Variants in RALGPS1 observed in about 807,000 individuals in gnomAD.
RALGPS1 encodes the protein ras-specific guanine nucleotide-releasing factor RalGPS1.
A neutral mutation model predicts 78.8 loss-of-function variants in RALGPS1; 19 were observed. The ratio of observed to expected loss-of-function variants is 0.24; its 90% CI spans 0.17 to 0.35. RALGPS1 has a LOEUF of 0.35. RALGPS1 is among the 10% of genes least tolerant of loss of function. The pLI is 1.00. For missense variants in RALGPS1, 454 were observed against 688.3 expected, an observed-to-expected ratio of 0.66 and a Z score of 3.81; for synonymous variants, 228 against 256.3, an observed-to-expected ratio of 0.89 and a Z score of 1.06.
intron 5 of RALGPS1, 78 bp downstream of exon 5, chr9:127,034,592 A>G: frequency 1.5e-6 from 2 of 1,294,408 alleles, no homozygotes; most frequent in Non-Finnish European, 2.2e-6. Flanking sequence ...CCCCCACCCA[A>G]AGCTGTCTCC....
intron 4 of RALGPS1, among the ~76,000 whole-genome samples, chr9:127,012,833 C>T (rs1187042007): frequency 6.6e-6 from 1 of 152,168 alleles, no homozygotes; most frequent in African/African-American, 2.4e-5. Flanking sequence ...CTATCAATCA[C>T]TCAGTTGTTC....
chr9:127,194,725 T>A (rs575242243), intron 11 of RALGPS1, among the ~76,000 whole-genome samples: 8 of 152,326 alleles, frequency 5.3e-5, no homozygotes, highest in African/African-American at 1.7e-4. Flanking sequence ...GAAGACATAC[T>A]TTGAAGTCTC....
chr9:127,016,205 T>C (rs767169351), intron 4 of RALGPS1, among the ~76,000 whole-genome samples: 3 of 152,174 alleles, frequency 2.0e-5, no homozygotes, highest in Non-Finnish European at 4.4e-5. Context: ...CACCCCTTCC[T>C]GACTGTCTCT....
intron 4 of RALGPS1, among the ~76,000 whole-genome samples, chr9:126,984,096 TTCTC>T (rs2041574568): frequency 6.6e-6 from 1 of 152,170 alleles, no homozygotes; most frequent in Admixed American, 6.5e-5. Flanking sequence ...ATGGTGACTT[TTCTC>T]TCTTTCTTTT....
chr9:127,137,615 C>T (rs1330471218), intron 8 of RALGPS1, among the ~76,000 whole-genome samples: 3 of 152,258 alleles, frequency 2.0e-5, no homozygotes, highest in Admixed American at 1.3e-4. Context: ...CCTTTTGAAG[C>T]TGGTTCCAGT....
intron 8 of RALGPS1, among the ~76,000 whole-genome samples, chr9:127,101,686 T>C (rs955173934): frequency 1.1e-4 from 16 of 152,132 alleles, no homozygotes; most frequent in African/African-American, 3.4e-4. Flanking sequence ...GCCTGGACAG[T>C]TTGTAGTGGT....
intron 10 of RALGPS1, among the ~76,000 whole-genome samples, chr9:127,169,083 C>T (rs957519953): frequency 1.3e-5 from 2 of 152,184 alleles, no homozygotes; most frequent in African/African-American, 4.8e-5. Context: ...TCCCACATGG[C>T]GTGGATAATA....
Position 126,921,251 on chromosome 9 carries a change from G to C in RALGPS1, c.-66+6276G>C, listed in dbSNP as rs150046321. ...GAGAGATCAACTCTGAAGTCACCAA[G>C]CGCTCAAGGAGTCCTCAGGACCTTC... On this transcript the variant is annotated intron_variant, in intron 1 of 18. Coordinates refer to ENST00000259351, the MANE Select transcript of RALGPS1 (RefSeq NM_014636.3). Among the ~76,000 whole-genome samples the C allele has an allele frequency of 2.6e-5, 4 of 152,334 alleles. No individual in the cohort carries two copies. The East Asian group carries it at 7.7e-4, about 29-fold the overall frequency.
chr9:127,160,206 G>GT (rs1249898719), intron 8 of RALGPS1, among the ~76,000 whole-genome samples: 1 of 152,208 alleles, frequency 6.6e-6, no homozygotes, highest in East Asian at 1.9e-4. Flanking sequence ...GGGCCATCGA[G>GT]TATGGGTGTC....
At chr9:127,147,571 G>C (rs1381394150) in intron 8 of RALGPS1, among the ~76,000 whole-genome samples, 3 of 152,104 alleles carry the variant, frequency 2.0e-5, no homozygotes, top group Non-Finnish European at 4.4e-5. Flanking sequence ...GAGAGGTGGG[G>C]GTCCAGCTTT....
intron 8 of RALGPS1, among the ~76,000 whole-genome samples, chr9:127,161,216 C>T (rs1023236743): frequency 1.3e-5 from 2 of 152,366 alleles, no homozygotes; most frequent in African/African-American, 4.8e-5. Flanking sequence ...AGCATCTGGG[C>T]GCCATCCACG....
At chr9:126,987,189 TA>T (rs1564367775) in intron 4 of RALGPS1, among the ~76,000 whole-genome samples, 2 of 152,190 alleles carry the variant, frequency 1.3e-5, no homozygotes, top group East Asian at 3.9e-4. Flanking sequence ...GTGCCCTGGA[TA>T]GCTGGGAGGC....
At position 127,218,885 on chromosome 9, in the gene RALGPS1, G is replaced by C; in HGVS notation, c.*116G>C. On this transcript the variant is annotated 3_prime_UTR_variant, in exon 19 of 19. Transcript: ENST00000259351. The surrounding 1 kb of genome is among the most constrained non-coding windows in gnomAD (Gnocchi z 4.4). ...CCAGGGTGCTGGGAAACTCACAGCTGGACTCAGGGGACACGGCCTGTGGCC... is the reference window on the plus strand; with the variant it reads ...CCAGGGTGCTGGGAAACTCACAGCTCGACTCAGGGGACACGGCCTGTGGCC... 2 of 1,177,386 alleles carry C rather than the reference G, an allele frequency of 1.7e-6. No individual in the cohort carries two copies. The highest frequency in any genetic ancestry group is 2.3e-5 in the East Asian group (1 of 42,780). The allele number at this position is 1,177,386 out of a possible 1,614,324, so 72.9% of individuals were successfully genotyped here.
At chr9:127,101,555 A>T (rs1339774813) in intron 8 of RALGPS1, among the ~76,000 whole-genome samples, 3 of 152,178 alleles carry the variant, frequency 2.0e-5, no homozygotes, top group Non-Finnish European at 4.4e-5. Flanking sequence ...TGCTACCTTC[A>T]TTCTGTGCTT....
At chr9:127,112,044 A>T (rs1413248524) in intron 8 of RALGPS1, among the ~76,000 whole-genome samples, 1 of 152,168 alleles carries the variant, frequency 6.6e-6, no homozygotes, top group East Asian at 1.9e-4. Flanking sequence ...TCCACCTTGG[A>T]CCAGCCAGTG....
intron 8 of RALGPS1, among the ~76,000 whole-genome samples, chr9:127,123,579 T>C (rs936965033): frequency 1.3e-5 from 2 of 152,184 alleles, no homozygotes; most frequent in East Asian, 3.8e-4. Flanking sequence ...GCCTGTGTTT[T>C]CATCAAAATG....
intron 1 of RALGPS1, among the ~76,000 whole-genome samples, chr9:126,947,641 C>G (rs1447374693): frequency 6.6e-6 from 1 of 152,186 alleles, no homozygotes; most frequent in Admixed American, 6.5e-5. Flanking sequence ...TGTTCAGATC[C>G]TGGTTCTCTG....
At chr9:127,029,869 C>T (rs755708492) in intron 4 of RALGPS1, among the ~76,000 whole-genome samples, 1 of 152,208 alleles carries the variant, frequency 6.6e-6, no homozygotes, top group African/African-American at 2.4e-5. Flanking sequence ...AAACCGGCAG[C>T]TAGTGGAGTG....
Position 127,086,164 on chromosome 9 carries a change from A to G in RALGPS1, c.610+16808A>G, listed in dbSNP as rs117212350. On this transcript the variant is annotated intron_variant, in intron 8 of 18. Coordinates refer to ENST00000259351, the MANE Select transcript of RALGPS1 (RefSeq NM_014636.3). ...TGTTTCTAATCACATGGTAGGCTTC[A>G]GTGCGTATCAGTGCATCTCTCTCTA... Among the ~76,000 whole-genome samples the G allele has an allele frequency of 5.4e-3, 818 of 152,332 alleles. 24 individuals are homozygous for G. The East Asian group carries it at 0.085, about 16-fold the overall frequency.
Sources: allele counts gnomAD v4.1 joint callset (sites outside exome capture counted in the v4.1 genomes callset), GRCh38; gene constraint gnomAD v4.1.1; non-coding constraint Gnocchi (gnomAD v3.1); transcripts MANE v1.5; gene names NCBI Gene and HGNC (gene_info 2026-07-23, HGNC 2026-07-21).